Variants in SLC39A11 observed in about 807,000 individuals in gnomAD.
The protein encoded by SLC39A11 is zinc transporter ZIP11.
In SLC39A11, 33 loss-of-function variants were observed where a neutral mutation model predicts 36.1. The ratio of observed to expected loss-of-function variants is 0.91; its 90% CI spans 0.69 to 1.22. SLC39A11 has a LOEUF of 1.22. SLC39A11 is among the 50% of genes most tolerant of loss of function. The pLI is 0.00. For synonymous variants in SLC39A11, 166 were observed against 170.3 expected, an observed-to-expected ratio of 0.97 and a Z score of 0.20; for missense variants, 432 against 430.3, an observed-to-expected ratio of 1.00 and a Z score of -0.03.
intron 5 of SLC39A11, among the ~76,000 whole-genome samples, chr17:72,937,337 C>A (rs1206259833): frequency 2.6e-5 from 4 of 152,108 alleles, no homozygotes; most frequent in Non-Finnish European, 5.9e-5. Context: ...TGCCTGTAAT[C>A]CCAGCTACTC....
At chr17:72,664,422 C>T (rs980142136) in intron 7 of SLC39A11, among the ~76,000 whole-genome samples, 2 of 152,166 alleles carry the variant, frequency 1.3e-5, no homozygotes, top group Admixed American at 1.3e-4. Flanking sequence ...AGACCATAAA[C>T]CGTGGTGCCA....
chr17:73,006,460 G>A (rs1394317685), intron 4 of SLC39A11, among the ~76,000 whole-genome samples: 3 of 152,156 alleles, frequency 2.0e-5, no homozygotes, highest in African/African-American at 7.2e-5. Context: ...GAAAGGAAGG[G>A]GAAGGGAGAA....
chr17:72,932,832 C>T (rs990374020), intron 5 of SLC39A11, among the ~76,000 whole-genome samples: 1 of 152,186 alleles, frequency 6.6e-6, no homozygotes, highest in Non-Finnish European at 1.5e-5. Flanking sequence ...GCTAAGGAGT[C>T]GAGTCAGAAT....
intron 7 of SLC39A11, among the ~76,000 whole-genome samples, chr17:72,679,915 G>A (rs2071437243): frequency 6.6e-6 from 1 of 151,950 alleles, no homozygotes; most frequent in Admixed American, 6.6e-5. Flanking sequence ...GGTGGCGCAT[G>A]CCTGTAGTCC....
At chr17:72,751,725 G>C (rs2075163342) in intron 6 of SLC39A11, among the ~76,000 whole-genome samples, 1 of 152,114 alleles carries the variant, frequency 6.6e-6, no homozygotes, top group Admixed American at 6.5e-5. Flanking sequence ...GTACAGCCAT[G>C]CATCACTATG....
chr17:72,980,349 C>T (rs1189207100), intron 4 of SLC39A11, among the ~76,000 whole-genome samples: 2 of 152,134 alleles, frequency 1.3e-5, no homozygotes, highest in African/African-American at 4.8e-5. Context: ...CAACCCTAAA[C>T]ATGAAAAGTC....
intron 5 of SLC39A11, among the ~76,000 whole-genome samples, chr17:72,925,253 TAA>T (rs767584814): frequency 6.6e-5 from 10 of 152,184 alleles, no homozygotes; most frequent in Admixed American, 1.3e-4. Context: ...GAACAGCAAC[TAA>T]ATCCAGACCT....
intron 5 of SLC39A11, among the ~76,000 whole-genome samples, chr17:72,880,820 T>G (rs1034918255): frequency 6.9e-6 from 1 of 145,244 alleles, no homozygotes; most frequent in Non-Finnish European, 1.5e-5. Flanking sequence ...TAGCTGGGAC[T>G]ACAGGCGCCC....
intron 4 of SLC39A11, among the ~76,000 whole-genome samples, chr17:72,954,463 G>A (rs2147835380): frequency 6.6e-6 from 1 of 152,326 alleles, no homozygotes; most frequent in Non-Finnish European, 1.5e-5. Context: ...GCCACCCAAG[G>A]GGCTTGGGAC....
chr17:72,766,106 GTGAA>G (rs140106950), intron 6 of SLC39A11, among the ~76,000 whole-genome samples: 1,920 of 152,278 alleles, frequency 0.013, 24 homozygotes, highest in Non-Finnish European at 0.021. Flanking sequence ...TCGTCCCTCT[GTGAA>G]TCACTTATTG....
At chr17:72,990,547 C>T (rs567079304) in intron 4 of SLC39A11, among the ~76,000 whole-genome samples, 8 of 152,146 alleles carry the variant, frequency 5.3e-5, no homozygotes, top group South Asian at 2.1e-4. Context: ...CCCTCAGCCT[C>T]GCGAGGAGCT....
At chr17:72,944,193 A>G (rs2085284528) in intron 5 of SLC39A11, among the ~76,000 whole-genome samples, 1 of 152,152 alleles carries the variant, frequency 6.6e-6, no homozygotes, top group African/African-American at 2.4e-5. Context: ...TTGACTCCCA[A>G]TAAAGCTGTT....
chr17:72,800,259 C>T (rs2077038436), intron 6 of SLC39A11, among the ~76,000 whole-genome samples: 1 of 150,680 alleles, frequency 6.6e-6, no homozygotes, highest in African/African-American at 2.4e-5. Context: ...AAAGAAGGTC[C>T]AAACTACATA....
chr17:72,827,825 C>T (rs1254980731), intron 6 of SLC39A11, among the ~76,000 whole-genome samples: 2 of 152,198 alleles, frequency 1.3e-5, no homozygotes, highest in African/African-American at 2.4e-5. Context: ...AGACTGAATA[C>T]ACTGTAGCAC....
At chr17:72,695,343 C>CCAGGGA (rs1567955391) in intron 7 of SLC39A11, among the ~76,000 whole-genome samples, 1 of 152,238 alleles carries the variant, frequency 6.6e-6, no homozygotes, top group Non-Finnish European at 1.5e-5. Context: ...ATCTGCTCAT[C>CCAGGGA]CAGGGAATAA....
intron 7 of SLC39A11, among the ~76,000 whole-genome samples, chr17:72,700,390 T>C (rs1419365869): frequency 1.3e-5 from 2 of 152,238 alleles, no homozygotes; most frequent in Non-Finnish European, 2.9e-5. Flanking sequence ...GAAGGAAACC[T>C]AAAATGCCAG....
intron 5 of SLC39A11, among the ~76,000 whole-genome samples, chr17:72,902,842 C>T (rs2082461094): frequency 6.6e-6 from 1 of 152,158 alleles, no homozygotes; most frequent in Non-Finnish European, 1.5e-5. Flanking sequence ...GGCCTTTTTC[C>T]AGCACCATTA....
intron 7 of SLC39A11, among the ~76,000 whole-genome samples, chr17:72,731,988 A>AAG (rs151097042): frequency 0.042 from 6,334 of 149,486 alleles, 185 homozygotes; most frequent in African/African-American, 0.086. Context: ...TGGCCTCCCA[A>AAG]AGTGGTGAGA....
In SLC39A11 at chr17:72,861,657, TTATATATATATATATATATA is replaced by T. The variant is rs373265286; in HGVS notation, c.431-11873_431-11854del. On this transcript the variant is annotated intron_variant, in intron 5 of 9. Transcript: ENST00000255559. ...ACATGCACCATCTATATACAACACA[TTATATATATATATATATATA>T]TATATATATATAAAATATATATATT... Among the ~76,000 whole-genome samples the T allele has an allele frequency of 1.2e-4, 6 of 50,962 alleles. No individual in the cohort carries two copies. In the East Asian group the frequency reaches 7.5e-3, roughly 64 times the overall value. 33.4% of individuals were successfully genotyped at this position (50,962 alleles called of 152,430 possible). A position where few individuals can be genotyped will look rare whatever the true frequency, so the allele number is the denominator to read the frequency against.
Sources: gnomAD v4.1 joint callset for allele counts (sites outside exome capture counted in the v4.1 genomes callset) on GRCh38, gnomAD v4.1.1 for gene constraint, MANE v1.5 for transcripts, NCBI Gene and HGNC (gene_info 2026-07-23, HGNC 2026-07-21) for gene names.